The following TTC23 variants were observed in gnomAD, a reference collection of about 807,000 sequenced individuals.
The protein encoded by TTC23 is tetratricopeptide repeat protein 23.
In TTC23, 58 loss-of-function variants were observed where a neutral mutation model predicts 55.1. That is an observed-to-expected ratio of 1.05 (90% CI 0.85 to 1.31). The LOEUF (loss-of-function observed/expected upper bound fraction) is 1.31, where lower values mean the gene tolerates loss of function less well. Ranked by LOEUF, TTC23 falls within the 50% of genes most tolerant of loss-of-function variation. TTC23 has a pLI of 0.00. For synonymous variants in TTC23, 203 were observed against 199.9 expected, an observed-to-expected ratio of 1.02 and a Z score of -0.13; for missense variants, 516 against 534.4, an observed-to-expected ratio of 0.97 and a Z score of 0.34.
At chr15:99,229,511 A>G (rs1167224356) in intron 4 of TTC23, among the ~76,000 whole-genome samples, 1 of 152,190 alleles carries the variant, frequency 6.6e-6, no homozygotes, top group African/African-American at 2.4e-5. Context: ...ATCCCAGTGG[A>G]CTACCTGAGT....
At chr15:99,201,004 A>G (rs1315229459) in intron 8 of TTC23, among the ~76,000 whole-genome samples, 1 of 152,232 alleles carries the variant, frequency 6.6e-6, no homozygotes, top group Non-Finnish European at 1.5e-5. Context: ...GGCATGTGAA[A>G]ACTGTATATC....
intron 4 of TTC23, among the ~76,000 whole-genome samples, chr15:99,230,708 C>G (rs995112858): frequency 1.3e-5 from 2 of 152,130 alleles, no homozygotes; most frequent in Non-Finnish European, 2.9e-5. Context: ...AAAGATACTT[C>G]TTATCTTTAA....
intron 12 of TTC23, chr15:99,151,433 T>C (rs981865123): frequency 1.3e-5 from 2 of 152,308 alleles, no homozygotes; most frequent in Non-Finnish European, 2.9e-5. Flanking sequence ...CTCTGGAGTG[T>C]TGCCAGCCTT....
intron 9 of TTC23, among the ~76,000 whole-genome samples, chr15:99,184,490 G>A (rs2074475624): frequency 6.6e-6 from 1 of 152,204 alleles, no homozygotes; most frequent in Admixed American, 6.5e-5. Flanking sequence ...GATCATTTTA[G>A]AACTATAAGG....
At chr15:99,182,572 T>C (rs2074257332) in intron 9 of TTC23, among the ~76,000 whole-genome samples, 1 of 152,210 alleles carries the variant, frequency 6.6e-6, no homozygotes, top group African/African-American at 2.4e-5. Context: ...TATGATATAT[T>C]ATCACAGAGT....
At chr15:99,182,248 T>TCTCTCTCACA (rs1286172224) in intron 9 of TTC23, among the ~76,000 whole-genome samples, 1 of 108,692 alleles carries the variant, frequency 9.2e-6, no homozygotes, top group African/African-American at 3.8e-5. Context: ...TCTCTCTCTC[T>TCTCTCTCACA]CACACACACA....
intron 8 of TTC23, among the ~76,000 whole-genome samples, chr15:99,214,507 C>CA (rs532096253): frequency 0.66 from 64,929 of 98,828 alleles, 21,183 homozygotes; most frequent in Middle Eastern, 0.8. Flanking sequence ...GACTGCATCT[C>CA]AAAAAAAAAA....
At chr15:99,144,754 A>G (rs571370284) in intron 12 of TTC23, 1 of 152,346 alleles carries the variant, frequency 6.6e-6, no homozygotes, top group Non-Finnish European at 1.5e-5. Context: ...TTGTACTTAC[A>G]TGAAATGAAA....
intron 3 of TTC23, among the ~76,000 whole-genome samples, chr15:99,237,006 A>T: frequency 6.9e-6 from 1 of 145,346 alleles, no homozygotes. Flanking sequence ...TTTGAGACAG[A>T]GTTTCACTCT....
intron 3 of TTC23, among the ~76,000 whole-genome samples, chr15:99,241,001 C>T (rs2079741400): frequency 6.6e-6 from 1 of 152,120 alleles, no homozygotes. Flanking sequence ...TGGCATCACA[C>T]AGTAACATCC....
chr15:99,239,785 C>A (rs1040271903), intron 3 of TTC23, among the ~76,000 whole-genome samples: 5 of 152,238 alleles, frequency 3.3e-5, no homozygotes, highest in Non-Finnish European at 5.9e-5. Flanking sequence ...GCTGTCCCAA[C>A]TACCCATGTG....
At chr15:99,195,685 A>T (rs2075635051) in intron 9 of TTC23, among the ~76,000 whole-genome samples, 1 of 152,166 alleles carries the variant, frequency 6.6e-6, no homozygotes, top group Non-Finnish European at 1.5e-5. Flanking sequence ...AAACCCACAG[A>T]ATGTACAATG....
chr15:99,150,347 C>T (rs1417670952), intron 12 of TTC23, among the ~76,000 whole-genome samples: 16 of 152,210 alleles, frequency 1.1e-4, no homozygotes, highest in Admixed American at 2.6e-4. Flanking sequence ...ACTCTAGACC[C>T]GTTGTGCCCT....
At chr15:99,234,589 G>T (rs1398917323) in intron 4 of TTC23, among the ~76,000 whole-genome samples, 1 of 151,970 alleles carries the variant, frequency 6.6e-6, no homozygotes, top group Non-Finnish European at 1.5e-5. Context: ...AGCCAGGATG[G>T]TCTCGATCTC....
chr15:99,180,188 T>C (rs886671654), intron 9 of TTC23, among the ~76,000 whole-genome samples: 17 of 152,170 alleles, frequency 1.1e-4, no homozygotes, highest in African/African-American at 3.1e-4. Context: ...ATGTCTTTTG[T>C]TCTTTTCAGT....
At chr15:99,240,369 T>A (rs2079669457) in intron 3 of TTC23, among the ~76,000 whole-genome samples, 1 of 152,202 alleles carries the variant, frequency 6.6e-6, no homozygotes, top group African/African-American at 2.4e-5. Flanking sequence ...TGAGCACTCA[T>A]AGGCTCATCT....
intron 3 of TTC23, among the ~76,000 whole-genome samples, chr15:99,235,838 A>G (rs1444984271): frequency 6.6e-6 from 1 of 151,932 alleles, no homozygotes; most frequent in East Asian, 1.9e-4. Context: ...CTCTGGCAAC[A>G]CCCATTCTAC....
At chr15:99,148,235 C>T (rs1462439438) in intron 12 of TTC23, among the ~76,000 whole-genome samples, 6 of 151,674 alleles carry the variant, frequency 4.0e-5, no homozygotes, top group Non-Finnish European at 8.8e-5. Context: ...GTGGCACATG[C>T]CTGTAGTCCA....
chr15:99,149,608 G>A (rs2069426367), intron 12 of TTC23, among the ~76,000 whole-genome samples: 1 of 152,246 alleles, frequency 6.6e-6, no homozygotes. Flanking sequence ...CCCTGATGCA[G>A]GGGCTTAAGA....
Sources: gnomAD v4.1 joint callset for allele counts (sites outside exome capture counted in the v4.1 genomes callset) on GRCh38, gnomAD v4.1.1 for gene constraint, MANE v1.5 for transcripts, NCBI Gene and HGNC (gene_info 2026-07-23, HGNC 2026-07-21) for gene names.